The following CHRM3 variants were observed in gnomAD, a reference collection of about 807,000 sequenced individuals.
The protein encoded by CHRM3 is muscarinic acetylcholine receptor M3.
Under a neutral mutation model 41.8 loss-of-function variants are expected in CHRM3, and 11 were observed. The ratio of observed to expected loss-of-function variants is 0.26; its 90% confidence interval spans 0.17 to 0.44. The LOEUF is 0.44. Among genes scored for constraint, CHRM3 ranks in the 20% least tolerant of loss-of-function variants. CHRM3 has a pLI of 1.00. For synonymous variants in CHRM3, 297 were observed against 301.4 expected, an observed-to-expected ratio of 0.99 and a Z score of 0.15; for missense variants, 571 against 745.4, an observed-to-expected ratio of 0.77 and a Z score of 2.72.
At chr1:239,683,974 T>C (rs1220612769) in intron 5 of CHRM3, among the ~76,000 whole-genome samples, 1 of 152,222 alleles carries the variant, frequency 6.6e-6, no homozygotes, top group African/African-American at 2.4e-5. Context: ...TTCTCAGCAA[T>C]TGTGAAATTT....
intron 2 of CHRM3, among the ~76,000 whole-genome samples, chr1:239,496,510 AGTGTGT>A (rs71166874): frequency 0.065 from 9,426 of 145,026 alleles, 437 homozygotes; most frequent in African/African-American, 0.13. Flanking sequence ...TAGTAATTCT[AGTGTGT>A]GTGTGTGTGT....
chr1:239,874,295 A>ATATATATATATCTATATACACAG (rs1553291886), intron 6 of CHRM3, among the ~76,000 whole-genome samples: 8,429 of 72,434 alleles, frequency 0.12, 513 homozygotes, highest in Non-Finnish European at 0.17. Flanking sequence ...GTATATATAT[A>ATATATATATATCTATATACACAG]TATATATATA....
intron 1 of CHRM3, among the ~76,000 whole-genome samples, chr1:239,486,936 A>G (rs1209523433): frequency 2.0e-5 from 3 of 152,234 alleles, no homozygotes; most frequent in African/African-American, 7.2e-5. Context: ...TGATTAAATG[A>G]AAATATGAAG....
intron 6 of CHRM3, among the ~76,000 whole-genome samples, chr1:239,868,514 C>T (rs1572539317): frequency 2.0e-5 from 3 of 152,228 alleles, no homozygotes; most frequent in African/African-American, 7.2e-5. Context: ...AATAAGTAGC[C>T]CCAGGCAAAG....
intron 6 of CHRM3, among the ~76,000 whole-genome samples, chr1:239,903,774 T>C (rs949303485): frequency 6.6e-6 from 1 of 152,168 alleles, no homozygotes. Flanking sequence ...TAATTCCAAA[T>C]ATAAGAGAAT....
At chr1:239,669,653 A>C (rs1433625060) in intron 4 of CHRM3, among the ~76,000 whole-genome samples, 1 of 152,218 alleles carries the variant, frequency 6.6e-6, no homozygotes, top group Non-Finnish European at 1.5e-5. Flanking sequence ...AAAAGTTAGA[A>C]AGACCCAGAA....
intron 5 of CHRM3, among the ~76,000 whole-genome samples, chr1:239,807,355 A>G (rs1055812016): frequency 1.3e-5 from 2 of 152,210 alleles, no homozygotes; most frequent in Non-Finnish European, 2.9e-5. Context: ...GCACAACCTG[A>G]AAAAGTCACC....
At chr1:239,855,885 G>A (rs996710199) in intron 6 of CHRM3, among the ~76,000 whole-genome samples, 1 of 152,130 alleles carries the variant, frequency 6.6e-6, no homozygotes, top group African/African-American at 2.4e-5. Flanking sequence ...AAACTTGGTT[G>A]TAGACATCTA....
At chr1:239,426,999 C>A (rs1489669171) in intron 1 of CHRM3, among the ~76,000 whole-genome samples, 3 of 151,960 alleles carry the variant, frequency 2.0e-5, no homozygotes, top group Non-Finnish European at 4.4e-5. Context: ...GTGGGTGGAG[C>A]AGGCAGAGGT....
chr1:239,574,040 A>T lies in CHRM3; in HGVS notation c.-313+28291A>T, dbSNP rs559962636. On this transcript the variant is annotated intron_variant, in intron 3 of 6. Transcript: ENST00000676153. The stretch of plus-strand genomic sequence containing the variant: ...ACAAGGATGACCCTGAAATCATCTC[A>T]TCTAAAAGCAATGCAAGCAGACTTA... 7.2e-5 allele frequency among the ~76,000 whole-genome samples: 11 copies of T among 152,256 alleles called. No individual in the cohort carries two copies. In the South Asian group the frequency reaches 2.3e-3, roughly 32 times the overall value.
intron 5 of CHRM3, among the ~76,000 whole-genome samples, chr1:239,723,036 CTT>C (rs550999310): frequency 1.3e-3 from 190 of 152,000 alleles, no homozygotes; most frequent in South Asian, 3.7e-3. Context: ...CCAATAGAGA[CTT>C]TTGAATTTTC....
At chr1:239,715,799 A>G (rs1446918220) in intron 5 of CHRM3, among the ~76,000 whole-genome samples, 1 of 152,124 alleles carries the variant, frequency 6.6e-6, no homozygotes, top group East Asian at 1.9e-4. Flanking sequence ...TTCACAGGCT[A>G]TTTTACCTGT....
At chr1:239,853,299 T>G (rs2149233597) in intron 6 of CHRM3, among the ~76,000 whole-genome samples, 1 of 152,068 alleles carries the variant, frequency 6.6e-6, no homozygotes, top group African/African-American at 2.4e-5. Flanking sequence ...TAGAGTAAAC[T>G]TAATGTCAAA....
At chr1:239,565,914 T>TC (rs1207501662) in intron 3 of CHRM3, among the ~76,000 whole-genome samples, 26 of 146,798 alleles carry the variant, frequency 1.8e-4, no homozygotes, top group Admixed American at 2.7e-4. Context: ...TTTTTTCTTT[T>TC]TTTTTTTTTT....
intron 1 of CHRM3, among the ~76,000 whole-genome samples, chr1:239,398,220 TGAA>T (rs1659665166): frequency 6.6e-6 from 1 of 152,138 alleles, no homozygotes; most frequent in South Asian, 2.1e-4. Context: ...TCTGGGTTAG[TGAA>T]ATTATATAAA....
At chr1:239,834,492 G>A (rs547171718) in intron 6 of CHRM3, among the ~76,000 whole-genome samples, 1 of 151,538 alleles carries the variant, frequency 6.6e-6, no homozygotes, top group South Asian at 2.1e-4. Flanking sequence ...AGACCTTTAG[G>A]CAATAGAAAT....
intron 2 of CHRM3, among the ~76,000 whole-genome samples, chr1:239,543,600 C>T (rs1200835104): frequency 2.0e-5 from 3 of 151,890 alleles, no homozygotes; most frequent in South Asian, 2.1e-4. Context: ...CTCCACCTCC[C>T]GGGTTCACGC....
At chr1:239,596,912 G>A (rs1443445880) in intron 3 of CHRM3, among the ~76,000 whole-genome samples, 2 of 152,100 alleles carry the variant, frequency 1.3e-5, no homozygotes, top group African/African-American at 4.8e-5. Context: ...AAGCAAAGTT[G>A]TTGGGTTTTT....
At chr1:239,455,056 G>C (rs1394340758) in intron 1 of CHRM3, among the ~76,000 whole-genome samples, 1 of 151,920 alleles carries the variant, frequency 6.6e-6, no homozygotes, top group Non-Finnish European at 1.5e-5. Flanking sequence ...TTAGAGTGTG[G>C]ATTTTCTACT....
Sources: gnomAD v4.1 joint callset for allele counts (sites outside exome capture counted in the v4.1 genomes callset) on GRCh38, gnomAD v4.1.1 for gene constraint, MANE v1.5 for transcripts, NCBI Gene and HGNC (gene_info 2026-07-23, HGNC 2026-07-21) for gene names.